MLXIPL: variants seen among roughly 807,000 people sequenced by gnomAD.
MLXIPL encodes the protein MLX interacting protein like.
In MLXIPL, 49 loss-of-function variants were observed where a neutral mutation model predicts 81.5. The ratio of observed to expected loss-of-function variants is 0.60; its 90% confidence interval spans 0.48 to 0.76. MLXIPL has a LOEUF of 0.76. MLXIPL is among the 30% of genes least tolerant of loss of function. The pLI, the probability that MLXIPL is intolerant of heterozygous loss-of-function variation, is 0.00. For missense variants in MLXIPL, 1,053 were observed against 1,167.0 expected, an observed-to-expected ratio of 0.90 and a Z score of 1.42; for synonymous variants, 466 against 485.5, an observed-to-expected ratio of 0.96 and a Z score of 0.53.
rs1584160555 is a variant in MLXIPL at position 73,623,473 on chromosome 7, CG to C, written c.293+726del. 6.6e-6 allele frequency among the ~76,000 whole-genome samples: 1 copy of C among 151,162 alleles called. No homozygotes were observed. The highest frequency in any genetic ancestry group is 1.5e-5 in the Non-Finnish European group (1 of 67,722). On this transcript the variant is annotated intron_variant, in intron 1 of 16. Transcript: ENST00000313375. This position sits in a 1 kb window ranked among gnomAD's most constrained non-coding sequence, Gnocchi z 5.7. ...CCTGTGCGCTCTCGGTGGCACTAAGCGGGGGTCCCAGGCAGCGACGGGCGCT... is the reference window on the plus strand; with the variant it reads ...CCTGTGCGCTCTCGGTGGCACTAAGCGGGGTCCCAGGCAGCGACGGGCGCT...
chr7:73,636,191 C>T, the MLXIPL span, among the ~76,000 whole-genome samples: 1 of 152,130 alleles, frequency 6.6e-6, no homozygotes, highest in East Asian at 1.9e-4. Flanking sequence ...GGGAGGATCA[C>T]TTGAGGCCGG....
In MLXIPL at chr7:73,624,506, G is replaced by A. The variant is rs913271145; in HGVS notation, c.-14C>T. 1 of 1,523,472 alleles carries A rather than the reference G, an allele frequency of 6.6e-7. No homozygotes were observed. The highest frequency in any genetic ancestry group is 8.8e-7 in the Non-Finnish European group (1 of 1,142,398). 94.4% of individuals were successfully genotyped at this position (1,523,472 alleles called of 1,614,324 possible). On this transcript the variant is annotated 5_prime_UTR_variant, in exon 1 of 17. Coordinates refer to ENST00000313375, the MANE Select transcript of MLXIPL (RefSeq NM_032951.3). ...CGCGCCGGCCATGGCTGTCGCCGCC[G>A]CAACCGCCTGGTCCCTGCTCCGCGC...
At chr7:73,632,152 T>A in the MLXIPL span, among the ~76,000 whole-genome samples, 6 of 151,530 alleles carry the variant, frequency 4.0e-5, no homozygotes, top group Admixed American at 1.3e-4. Flanking sequence ...GCTAATTTTT[T>A]AAATTTTTTT....
intron 2 of MLXIPL, among the ~76,000 whole-genome samples, chr7:73,614,896 C>T (rs1027732734): frequency 2.0e-5 from 3 of 151,106 alleles, no homozygotes; most frequent in South Asian, 4.2e-4. Context: ...CTGCAAGCTC[C>T]GCCTCCCAGG....
At position 73,596,570 on chromosome 7, in the gene MLXIPL, T is replaced by TC; in HGVS notation, c.1822+68dup. 1 of 1,599,142 alleles carries TC rather than the reference T, an allele frequency of 6.3e-7. No individual in the cohort carries two copies. The highest frequency in any genetic ancestry group is 1.3e-5 in the African/African-American group (1 of 74,706). On this transcript the variant is annotated intron_variant, in intron 11 of 16. Transcript: ENST00000313375. This position sits in a 1 kb window ranked among gnomAD's most constrained non-coding sequence, Gnocchi z 4.7. Reference sequence around the variant, plus strand: ...TCCTCTCATCTGGCCCCAGACCCAGTCCCCTTCTTCTTCCTCCTCTTCCCC... The same window carrying TC: ...TCCTCTCATCTGGCCCCAGACCCAGTCCCCCTTCTTCTTCCTCCTCTTCCCC...
chr7:73,618,505 T>C (rs7785479), intron 1 of MLXIPL, among the ~76,000 whole-genome samples: 41,286 of 150,928 alleles, frequency 0.27, 5,918 homozygotes, highest in African/African-American at 0.35. Context: ...AGCCTCTCCC[T>C]ACTTGAGTGC....
chr7:73,620,337 G>T (rs1221081525), intron 1 of MLXIPL, among the ~76,000 whole-genome samples: 1 of 151,982 alleles, frequency 6.6e-6, no homozygotes, highest in Non-Finnish European at 1.5e-5. Context: ...CCAGGAGGCG[G>T]ATGTTGCAGT....
chr7:73,593,660 C>A lies in MLXIPL; in HGVS notation c.*205G>T. On this transcript the variant is annotated 3_prime_UTR_variant, in exon 17 of 17. Transcript: ENST00000313375. ...CACCCAAGGTCACGGTGCTGGAGCA[C>A]AGTGGCAGAGCAGGGACGGGGACTC... 2 of 572,172 alleles carry A rather than the reference C, an allele frequency of 3.5e-6. No homozygotes were observed. The highest frequency in any genetic ancestry group is 1.9e-5 in the South Asian group (1 of 52,470). 35.4% of individuals were successfully genotyped at this position (572,172 alleles called of 1,614,324 possible). A position where few individuals can be genotyped will look rare whatever the true frequency, so the allele number is the denominator to read the frequency against.
rs1313711053 is a variant in MLXIPL, at chr7:73,602,102, G to GCCTT, written c.902-2408_902-2407insAAGG. On this transcript the variant is annotated intron_variant, in intron 7 of 16. Transcript: ENST00000313375. ...TGCCTGCCTGCCTGCCTGCCTTCCT[G>GCCTT]CCTGCCTGCCTGCCTGCCTGCCTGC... Among the ~76,000 whole-genome samples the GCCTT allele has an allele frequency of 2.8e-3, 353 of 124,768 alleles. 6 individuals are homozygous for GCCTT. The highest frequency in any genetic ancestry group is 0.027 in the South Asian group (98 of 3,576). 81.9% of individuals were successfully genotyped at this position (124,768 alleles called of 152,430 possible). A position where few individuals can be genotyped will look rare whatever the true frequency, so the allele number is the denominator to read the frequency against.
chr7:73,601,733 T>C (rs1554596327), intron 7 of MLXIPL, among the ~76,000 whole-genome samples: 5 of 152,192 alleles, frequency 3.3e-5, no homozygotes, highest in South Asian at 4.2e-4. Context: ...GGTTTTGCCA[T>C]GTTGCCCGGG....
In MLXIPL at chr7:73,595,868, C is replaced by T. The variant is rs1554593519; in HGVS notation, c.2160G>A (p.Glu720=). 3 of 1,610,238 alleles carry T rather than the reference C, an allele frequency of 1.9e-6. No homozygotes were observed. Among genetic ancestry groups the T allele is most frequent in the Non-Finnish European group, 8.5e-7 (1 of 1,178,552 alleles). The change falls in exon 14 of 17, where the codon GAG becomes GAA. Residue 720 remains glutamate, a synonymous_variant. Transcript: ENST00000313375. ...LQEEAQQLRD[E]IEELNAAINL... is the part of the protein sequence containing the mutation. ...TAATGGCGGCATTGAGCTCCTCAAT[C>T]TCATCCCGCAGCTGCTGGGCCTCCT...
intron 1 of MLXIPL, among the ~76,000 whole-genome samples, chr7:73,619,009 G>A (rs760205635): frequency 1.3e-5 from 2 of 152,202 alleles, no homozygotes; most frequent in Non-Finnish European, 2.9e-5. Context: ...CCTGGAGGAA[G>A]AGCGTAACGC....
chr7:73,631,931 CCCT>C, the MLXIPL span, among the ~76,000 whole-genome samples: 1 of 127,804 alleles, frequency 7.8e-6, no homozygotes, highest in Non-Finnish European at 1.7e-5. Flanking sequence ...CCCTCCCCTC[CCCT>C]CCTCTTCTTT....
At chr7:73,635,791 G>C in the MLXIPL span, among the ~76,000 whole-genome samples, 2 of 151,720 alleles carry the variant, frequency 1.3e-5, no homozygotes, top group South Asian at 2.1e-4. Flanking sequence ...TCCATCCATC[G>C]TTCCATGTAT....
chr7:73,598,983 G>A (rs975762504), intron 8 of MLXIPL, among the ~76,000 whole-genome samples: 1 of 151,322 alleles, frequency 6.6e-6, no homozygotes, highest in Non-Finnish European at 1.5e-5. Flanking sequence ...GCCGGAAATC[G>A]CTTGAACACG....
Position 73,597,582 on chromosome 7 carries a change from AG to A in MLXIPL, c.1202del (p.Pro401LeufsTer72). The A allele has an allele frequency of 2.4e-6, 2 of 819,230 alleles. No individual in the cohort carries two copies. The highest frequency in any genetic ancestry group is 1.4e-6 in the Non-Finnish European group (1 of 714,470). The allele number at this position is 819,230 out of a possible 1,614,324, so 50.7% of individuals were successfully genotyped here. On this transcript the variant is annotated frameshift_variant, in exon 9 of 17. Coordinates refer to ENST00000313375, the MANE Select transcript of MLXIPL (RefSeq NM_032951.3). LOFTEE classifies it high-confidence loss of function. ...AGGGCTCCAGGCCTGGCACCTTGGC[AG>A]GGGGAGGGTAATGCAGCAGAGGTGG... is the stretch of plus-strand genomic sequence containing the variant. ...VPPPLLHYPP[P>X]AKVPGLEPCP...
chr7:73,645,221 T>C, the MLXIPL span, among the ~76,000 whole-genome samples: 1 of 152,120 alleles, frequency 6.6e-6, no homozygotes, highest in Non-Finnish European at 1.5e-5. Context: ...GAGACACAGA[T>C]CTTTCTATGC....
chr7:73,599,431 C>T, intron 8 of MLXIPL, 95 bp downstream of exon 8: 1 of 1,457,282 alleles, frequency 6.9e-7, no homozygotes, highest in Non-Finnish European at 9.6e-7. Context: ...GAAGACTGGG[C>T]ACTCAGGGAG....
chr7:73,594,094 C>G, intron 16 of MLXIPL, 111 bp from the exon 17 acceptor site: 1 of 1,375,926 alleles, frequency 7.3e-7, no homozygotes. Context: ...GACTGTCACC[C>G]CCTCCTAGAA....
Sources: gnomAD v4.1 joint callset for allele counts (sites outside exome capture counted in the v4.1 genomes callset) on GRCh38, gnomAD v4.1.1 for gene constraint, Gnocchi (gnomAD v3.1) non-coding constraint, MANE v1.5 for transcripts, NCBI Gene and HGNC (gene_info 2026-07-23, HGNC 2026-07-21) for gene names.